The following CENPE variants were observed in gnomAD, a reference collection of about 807,000 sequenced individuals.
CENPE encodes centromere protein E, also known as centromere-associated protein E.
Under a neutral mutation model 336.1 loss-of-function variants are expected in CENPE, and 145 were observed. That is an observed-to-expected ratio of 0.43 (90% CI 0.38 to 0.50). The LOEUF is 0.50. Ranked by LOEUF, CENPE falls within the 20% of genes least tolerant of loss-of-function variation. The pLI, the probability that CENPE is intolerant of heterozygous loss-of-function variation, is 0.00. For synonymous variants in CENPE, 1,013 were observed against 984.8 expected (o/e 1.03, Z -0.54); for missense variants, 2,719 against 3,023.3 (o/e 0.90, Z 2.36).
chr4:103,109,309 A>T (rs967609968), intron 47 of CENPE, among the ~76,000 whole-genome samples: 1 of 152,204 alleles, frequency 6.6e-6, no homozygotes, highest in Non-Finnish European at 1.5e-5. Flanking sequence ...TGAATAATAT[A>T]GTAAGTTTCC....
chr4:103,120,474 ATCAT>A, intron 43 of CENPE, 141 bp from the exon 44 acceptor site: 4 of 631,964 alleles, frequency 6.3e-6, no homozygotes, highest in Non-Finnish European at 7.9e-6. Context: ...GAGGCCAAAC[ATCAT>A]TCAATCTACA....
Position 103,148,955 on chromosome 4 carries a change from T to C in CENPE, c.3732A>G (p.Leu1244=), listed in dbSNP as rs1753301695. ...KEELKIAHIH[L]KEHQETIDEL... is the part of the protein sequence containing the mutation. Reference sequence around the variant, plus strand: ...CATCAATAGTTTCTTGGTGTTCTTTTAGGTGAATATGAGCAATTTTTAGTT... The same window carrying C: ...CATCAATAGTTTCTTGGTGTTCTTTCAGGTGAATATGAGCAATTTTTAGTT... Residue 1244 remains leucine, a synonymous_variant, in exon 28 of 49, where the codon CTA becomes CTG. Transcript: ENST00000265148. 1.9e-6 allele frequency: 3 copies of C among 1,613,894 alleles called. No individual in the cohort carries two copies. Among genetic ancestry groups the C allele is most frequent in the Middle Eastern group, 3.3e-4 (2 of 6,056 alleles).
At chr4:103,169,248 CAA>C (rs200163618) in intron 16 of CENPE, among the ~76,000 whole-genome samples, 50 of 115,894 alleles carry the variant, frequency 4.3e-4, no homozygotes, top group Admixed American at 1.1e-3. Flanking sequence ...AGTCAGGAGG[CAA>C]AAAAAAAAAA....
chr4:103,118,420 A>C (rs1174906697), intron 44 of CENPE, among the ~76,000 whole-genome samples: 2 of 152,130 alleles, frequency 1.3e-5, no homozygotes, highest in Non-Finnish European at 2.9e-5. Flanking sequence ...TTCTTTGTAT[A>C]TTTTGTATAA....
chr4:103,113,900 T>A (rs1179887894), intron 46 of CENPE, among the ~76,000 whole-genome samples: 1 of 151,838 alleles, frequency 6.6e-6, no homozygotes, highest in Non-Finnish European at 1.5e-5. Context: ...AAATGGAACA[T>A]GACAGACAGA....
chr4:103,144,425 A>T lies in CENPE; in HGVS notation c.5051T>A (p.Val1684Glu). 1 of 1,613,878 alleles carries T rather than the reference A, an allele frequency of 6.2e-7. No homozygotes were observed. Among genetic ancestry groups the T allele is most frequent in the East Asian group, 2.2e-5 (1 of 44,870 alleles). Reference sequence around the variant, plus strand: ...CCTAAGGTCATCTCTTTCTTTTGTTACAGATCTCATTTCTTCAAGGTTTTC... The same window carrying T: ...CCTAAGGTCATCTCTTTCTTTTGTTTCAGATCTCATTTCTTCAAGGTTTTC... ...LHENLEEMRSVTKERDDLRSV... is the reference protein window; with the variant it reads ...LHENLEEMRSETKERDDLRSV... The change falls in exon 33 of 49, where the codon GTA becomes GAA. Residue 1684 changes from valine (V) to glutamate (E), a missense_variant. This residue lies in a region of CENPE where 2,437 missense variants were observed against 2,513.3 expected (regional missense o/e 0.97). Transcript: ENST00000265148.
At chr4:103,135,959 G>A (rs755050087) in intron 40 of CENPE, among the ~76,000 whole-genome samples, 182 bp downstream of exon 40, 1 of 152,076 alleles carries the variant, frequency 6.6e-6, no homozygotes, top group Non-Finnish European at 1.5e-5. Flanking sequence ...TAATGTCTAG[G>A]CCCACAGGCA....
At chr4:103,183,345 C>T (rs1329217436) in intron 9 of CENPE, 57 bp from the exon 10 acceptor site, 2 of 1,345,566 alleles carry the variant, frequency 1.5e-6, no homozygotes, top group Admixed American at 1.8e-5. Flanking sequence ...AGATGATAAA[C>T]TTATTTATCA....
chr4:103,179,123 G>C (rs1756122318), intron 13 of CENPE, among the ~76,000 whole-genome samples: 1 of 152,066 alleles, frequency 6.6e-6, no homozygotes, highest in Non-Finnish European at 1.5e-5. Flanking sequence ...AGTCATTCCG[G>C]ACACCTCCTT....
intron 13 of CENPE, among the ~76,000 whole-genome samples, chr4:103,179,173 T>C (rs370271625): frequency 6.6e-6 from 1 of 152,174 alleles, no homozygotes; most frequent in Non-Finnish European, 1.5e-5. Flanking sequence ...AATCACAAAG[T>C]CCTGCTAAGT....
Position 103,163,462 on chromosome 4 carries a change from C to A in CENPE, c.1722+17G>T. 1 of 1,547,718 alleles carries A rather than the reference C, an allele frequency of 6.5e-7. No homozygotes were observed. Among genetic ancestry groups the A allele is most frequent in the Non-Finnish European group, 8.9e-7 (1 of 1,125,488 alleles). On this transcript the variant is annotated intron_variant, in intron 17 of 48. Coordinates refer to ENST00000265148, the MANE Select transcript of CENPE (RefSeq NM_001813.3). ...TTCTAATTGCTTATCAATAGAAATA[C>A]CAACATGAATGCTCACCTCAAGATC...
Position 103,123,024 on chromosome 4 carries a change from CT to C in CENPE, c.6989del (p.Gln2330ArgfsTer3), listed in dbSNP as rs780307648. The C allele has an allele frequency of 6.2e-7, 1 of 1,613,808 alleles. No homozygotes were observed. Among genetic ancestry groups the C allele is most frequent in the Non-Finnish European group, 8.5e-7 (1 of 1,179,894 alleles). On this transcript the variant is annotated frameshift_variant, in exon 43 of 49. Coordinates refer to ENST00000265148, the MANE Select transcript of CENPE (RefSeq NM_001813.3). LOFTEE classifies it high-confidence loss of function. Reference protein sequence around the residue: ...RSATISKEWEQDLKSLKEKNE... With the variant: ...RSATISKEWEXDLKSLKEKNE... ...TTTTCTCTTTCAGTGATTTCAGGTC[CT>C]GTTCCCACTCTTTGGATATGGTAGC...
At chr4:103,156,731 G>C (rs1753987318) in intron 24 of CENPE, among the ~76,000 whole-genome samples, 1 of 151,898 alleles carries the variant, frequency 6.6e-6, no homozygotes, top group Non-Finnish European at 1.5e-5. Flanking sequence ...AAATAAACTT[G>C]ACTACATTGA....
chr4:103,142,244 A>G (rs1299012240), intron 34 of CENPE, among the ~76,000 whole-genome samples: 1 of 152,224 alleles, frequency 6.6e-6, no homozygotes, highest in East Asian at 1.9e-4. Flanking sequence ...GCATATGTAT[A>G]CGTTGTGTTT....
intron 16 of CENPE, among the ~76,000 whole-genome samples, chr4:103,166,400 A>C (rs1158122325): frequency 6.6e-6 from 1 of 152,164 alleles, no homozygotes; most frequent in East Asian, 1.9e-4. Flanking sequence ...CCTTCCATAA[A>C]ACCTAGTTTT....
At position 103,126,184 on chromosome 4, in the gene CENPE, G is replaced by A. The variant is rs147619557; in HGVS notation, c.6925-3095C>T. ...CCACACTTTTGTATTTTACCTTCAGGAGCTCTACCAAGTCATCACAGTTAA... is the reference window on the plus strand; with the variant it reads ...CCACACTTTTGTATTTTACCTTCAGAAGCTCTACCAAGTCATCACAGTTAA... On this transcript the variant is annotated intron_variant, in intron 42 of 48. Coordinates refer to ENST00000265148, the MANE Select transcript of CENPE (RefSeq NM_001813.3). Among the ~76,000 whole-genome samples the A allele has an allele frequency of 4.1e-3, 623 of 152,214 alleles. 3 individuals carry two copies. Among genetic ancestry groups the A allele is most frequent in the Non-Finnish European group, 6.5e-3 (445 of 68,004 alleles).
intron 44 of CENPE, among the ~76,000 whole-genome samples, chr4:103,116,997 A>G (rs1750187120): frequency 6.6e-6 from 1 of 152,158 alleles, no homozygotes; most frequent in Admixed American, 6.5e-5. Flanking sequence ...AAATGAAAAA[A>G]GTTGGAAATA....
Position 103,161,097 on chromosome 4 carries a change from T to G in CENPE, c.2120A>C (p.Lys707Thr). 1 of 1,584,410 alleles carries G rather than the reference T, an allele frequency of 6.3e-7. No homozygotes were observed. The highest frequency in any genetic ancestry group is 8.5e-7 in the Non-Finnish European group (1 of 1,169,640). ...ITKLTSLIDG[K>T]VPKDLLCNLE... The stretch of plus-strand genomic sequence containing the variant: ...AAATTACAAAATACCTTTTGGAACT[T>G]TGCCATCTATAAGGGAGGTGAGTTT... The change falls in exon 20 of 49, where the codon AAA becomes ACA. Residue 707 changes from lysine to threonine, a missense_variant. Coordinates refer to ENST00000265148, the MANE Select transcript of CENPE (RefSeq NM_001813.3).
chr4:103,163,591 T>G, intron 16 of CENPE, 38 bp from the exon 17 acceptor site: 1 of 706,926 alleles, frequency 1.4e-6, no homozygotes, highest in South Asian at 4.6e-5. Flanking sequence ...AGCAAACCAA[T>G]AGTTAATAAA....
Sources: gnomAD v4.1 joint callset for allele counts (sites outside exome capture counted in the v4.1 genomes callset) on GRCh38, gnomAD v4.1.1 for gene constraint, gnomAD v4.1.1 regional missense constraint, MANE v1.5 for transcripts, NCBI Gene and HGNC (gene_info 2026-07-23, HGNC 2026-07-21) for gene names.